Variants in THADA observed in about 807,000 individuals in gnomAD.
The protein encoded by THADA is tRNA (32-2'-O)-methyltransferase regulator THADA.
THADA carries 213 observed loss-of-function variants against 219.8 expected under a neutral mutation model. The ratio of observed to expected loss-of-function variants is 0.97; its 90% CI spans 0.87 to 1.09. The LOEUF (loss-of-function observed/expected upper bound fraction) is 1.09, where lower values mean the gene tolerates loss of function less well. Ranked by LOEUF, THADA falls within the 50% of genes least tolerant of loss-of-function variation. The pLI is 0.00. For missense variants in THADA, 2,956 were observed against 2,311.3 expected, an observed-to-expected ratio of 1.28 and a Z score of -5.72; for synonymous variants, 1,018 against 828.9, an observed-to-expected ratio of 1.23 and a Z score of -3.92.
At chr2:43,251,519 C>T (rs1669804973) in intron 36 of THADA, among the ~76,000 whole-genome samples, 2 of 152,228 alleles carry the variant, frequency 1.3e-5, no homozygotes, top group African/African-American at 4.8e-5. Context: ...CCCAGCTCAC[C>T]TGGTCTGCTT....
chr2:43,417,436 T>C (rs535441763), intron 28 of THADA, among the ~76,000 whole-genome samples: 17 of 152,322 alleles, frequency 1.1e-4, no homozygotes, highest in Admixed American at 1.1e-3. Flanking sequence ...AAATTCTCAG[T>C]GTTTCTCAAG....
At chr2:43,512,548 G>A (rs935481845) in intron 22 of THADA, among the ~76,000 whole-genome samples, 1 of 152,206 alleles carries the variant, frequency 6.6e-6, no homozygotes, top group Non-Finnish European at 1.5e-5. Flanking sequence ...TCTTGCCCAG[G>A]TTGGAGTGCA....
chr2:43,514,629 TG>T lies in THADA; in HGVS notation c.3375-5850del, dbSNP rs1333297255. 4.7e-3 allele frequency among the ~76,000 whole-genome samples: 485 copies of T among 102,418 alleles called. 74 individuals carry two copies. Among genetic ancestry groups the T allele is most frequent in the African/African-American group, 9.7e-3 (229 of 23,656 alleles). 67.2% of individuals were successfully genotyped at this position (102,418 alleles called of 152,430 possible). A position where few individuals can be genotyped will look rare whatever the true frequency, so the allele number is the denominator to read the frequency against. On this transcript the variant is annotated intron_variant, in intron 22 of 37. Coordinates refer to ENST00000405975, the MANE Select transcript of THADA (RefSeq NM_022065.5). ...ATATATTTTATATATTTTATATATA[TG>T]TATATTTTATATATAATATATATAT... is the stretch of plus-strand genomic sequence containing the variant.
At chr2:43,512,978 G>C (rs960811225) in intron 22 of THADA, among the ~76,000 whole-genome samples, 1 of 152,184 alleles carries the variant, frequency 6.6e-6, no homozygotes, top group African/African-American at 2.4e-5. Flanking sequence ...ACTAACAGAT[G>C]AGAGGGAATA....
At chr2:43,311,311 A>G (rs1573016395) in intron 31 of THADA, among the ~76,000 whole-genome samples, 1 of 152,254 alleles carries the variant, frequency 6.6e-6, no homozygotes, top group East Asian at 1.9e-4. Context: ...ATGCAAATCA[A>G]AAGCACAATT....
At chr2:43,457,006 T>C (rs1683080451) in intron 26 of THADA, among the ~76,000 whole-genome samples, 1 of 152,160 alleles carries the variant, frequency 6.6e-6, no homozygotes, top group Admixed American at 6.5e-5. Context: ...ACCTATACTT[T>C]GAAGGAATCA....
chr2:43,358,614 T>C (rs1669140623), intron 29 of THADA, among the ~76,000 whole-genome samples: 1 of 152,226 alleles, frequency 6.6e-6, no homozygotes, highest in South Asian at 2.1e-4. Context: ...AAAATTTGCC[T>C]TGTAAAGAGA....
chr2:43,549,475 C>T, intron 19 of THADA, 107 bp from the exon 20 acceptor site: 2 of 1,151,244 alleles, frequency 1.7e-6, no homozygotes, highest in Non-Finnish European at 2.4e-6. Flanking sequence ...ACTTAATAAT[C>T]AGCTTTATTA....
chr2:43,588,831 G>C (rs1701262016), intron 4 of THADA, among the ~76,000 whole-genome samples: 1 of 151,962 alleles, frequency 6.6e-6, no homozygotes, highest in Non-Finnish European at 1.5e-5. Context: ...ATTTATCTCA[G>C]AGAAATACAC....
At chr2:43,434,365 TG>T (rs1252204077) in intron 26 of THADA, among the ~76,000 whole-genome samples, 6 of 152,222 alleles carry the variant, frequency 3.9e-5, no homozygotes, top group African/African-American at 1.4e-4. Flanking sequence ...AAGGAGGCTC[TG>T]TCTCCGGCCT....
intron 17 of THADA, among the ~76,000 whole-genome samples, chr2:43,553,871 G>A (rs187395512): frequency 2.0e-5 from 3 of 152,286 alleles, no homozygotes; most frequent in Admixed American, 2.0e-4. Flanking sequence ...AAAGGCTTTT[G>A]ATGTTGAGCA....
chr2:43,524,922 C>G (rs775820509), intron 22 of THADA, among the ~76,000 whole-genome samples: 86 of 152,120 alleles, frequency 5.7e-4, no homozygotes, highest in Non-Finnish European at 9.9e-4. Flanking sequence ...GTCCTTAGAC[C>G]TCTGTTCTTT....
chr2:43,419,759 A>G (rs978352261), intron 28 of THADA, among the ~76,000 whole-genome samples: 1 of 152,212 alleles, frequency 6.6e-6, no homozygotes, highest in African/African-American at 2.4e-5. Context: ...ACAAGGAAAT[A>G]AAAGTTCTGT....
At chr2:43,464,007 C>T (rs1195995669) in intron 26 of THADA, among the ~76,000 whole-genome samples, 1 of 152,072 alleles carries the variant, frequency 6.6e-6, no homozygotes, top group Non-Finnish European at 1.5e-5. Context: ...AGATCATTTA[C>T]AACAATATTA....
chr2:43,575,064 T>C (rs754103523), intron 10 of THADA, 37 bp from the exon 11 acceptor site: 10 of 1,415,934 alleles, frequency 7.1e-6, no homozygotes, highest in Middle Eastern at 1.8e-4. Context: ...TATTGTAAAC[T>C]GATTAGTAAA....
intron 28 of THADA, among the ~76,000 whole-genome samples, chr2:43,426,910 G>T (rs938137934): frequency 3.3e-5 from 5 of 152,104 alleles, no homozygotes; most frequent in African/African-American, 7.2e-5. Flanking sequence ...CTTCTGAAAG[G>T]TTTCATGAGA....
At chr2:43,537,268 T>G (rs1574138640) in intron 21 of THADA, among the ~76,000 whole-genome samples, 1 of 152,372 alleles carries the variant, frequency 6.6e-6, no homozygotes, top group East Asian at 1.9e-4. Context: ...TATTAACTGT[T>G]GCCCTGTAGT....
intron 29 of THADA, among the ~76,000 whole-genome samples, chr2:43,357,239 G>T (rs998443902): frequency 6.6e-6 from 1 of 151,698 alleles, no homozygotes; most frequent in Admixed American, 6.6e-5. Context: ...AACAATGAGG[G>T]TTTTTTTTAA....
At chr2:43,261,797 C>A (rs970451446) in intron 36 of THADA, among the ~76,000 whole-genome samples, 4 of 152,140 alleles carry the variant, frequency 2.6e-5, no homozygotes, top group African/African-American at 9.7e-5. Context: ...CCACCATGCC[C>A]AGCTAATTTC....
Sources: gnomAD v4.1 joint callset for allele counts (sites outside exome capture counted in the v4.1 genomes callset) on GRCh38, gnomAD v4.1.1 for gene constraint, MANE v1.5 for transcripts, NCBI Gene and HGNC (gene_info 2026-07-23, HGNC 2026-07-21) for gene names.